LALBA: variants seen among roughly 807,000 people sequenced by gnomAD.
LALBA encodes the protein alpha-lactalbumin.
LALBA carries 12 observed loss-of-function variants against 13.4 expected under a neutral mutation model. The ratio of observed to expected loss-of-function variants is 0.89; its 90% CI spans 0.57 to 1.45. The LOEUF (loss-of-function observed/expected upper bound fraction) is 1.45, where lower values mean the gene tolerates loss of function less well. Ranked by LOEUF, LALBA falls within the 40% of genes most tolerant of loss-of-function variation. The probability of loss-of-function intolerance (pLI) is 0.00; values close to 1 mark genes in which losing one functional copy is unlikely to be tolerated. For synonymous variants in LALBA, 64 were observed against 61.0 expected, an observed-to-expected ratio of 1.05 and a Z score of -0.23; for missense variants, 145 against 165.9, an observed-to-expected ratio of 0.87 and a Z score of 0.69.
At chr12:48,570,751 G>C (rs1028927969), upstream of LALBA, among the ~76,000 whole-genome samples, 3 of 152,080 alleles carry the variant, frequency 2.0e-5, no homozygotes, top group Non-Finnish European at 2.9e-5. Flanking sequence ...GGGAGGCCGA[G>C]TCTGGTGGAT....
upstream of LALBA, chr12:48,570,176 A>T: frequency 1.4e-6 from 1 of 736,478 alleles, no homozygotes; most frequent in East Asian, 2.6e-5. Flanking sequence ...TGAGCCTGCC[A>T]GCTTCCTTCC....
At chr12:48,568,323 T>C (rs1158632798) in intron 3 of LALBA, 194 bp downstream of exon 3, 1 of 613,034 alleles carries the variant, frequency 1.6e-6, no homozygotes, top group Admixed American at 3.0e-5. Flanking sequence ...GGCAACCCCT[T>C]ATTAGGAAAA....
Position 48,569,248 on chromosome 12 carries a change from AAAG to A in LALBA, c.134-11_134-9del, listed in dbSNP as rs775458023. On this transcript the variant is annotated splice_polypyrimidine_tract_variant and intron_variant, in intron 1 of 3. Transcript: ENST00000301046. The stretch of plus-strand genomic sequence containing the variant: ...GAAACATGGTACAGATCACTGAGGG[AAAG>A]ATGAGAAAGAGATACCACAGAGATG... 1.2e-6 allele frequency: 2 copies of A among 1,605,490 alleles called. No homozygotes were observed. Among genetic ancestry groups the A allele is most frequent in the South Asian group, 2.2e-5 (2 of 90,272 alleles).
chr12:48,571,151 G>A (rs1245924963), upstream of LALBA, among the ~76,000 whole-genome samples: 3 of 152,066 alleles, frequency 2.0e-5, no homozygotes, highest in East Asian at 5.8e-4. Flanking sequence ...ACAGAAAGTG[G>A]GAAGGACCCA....
intron 2 of LALBA, 105 bp downstream of exon 2, chr12:48,568,977 C>G (rs1039445230): frequency 1.0e-6 from 1 of 999,312 alleles, no homozygotes; most frequent in East Asian, 2.5e-5. Flanking sequence ...TTTATAGAGC[C>G]CAGCCAAGGC....
At chr12:48,570,781 G>A (rs909087822), upstream of LALBA, among the ~76,000 whole-genome samples, 2 of 151,968 alleles carry the variant, frequency 1.3e-5, no homozygotes, top group African/African-American at 2.4e-5. Context: ...CCAGGAGCTC[G>A]AGACCAGCCT....
At position 48,569,910 on chromosome 12, in the gene LALBA, A is replaced by C; in HGVS notation, c.111T>G (p.Tyr37Ter). The part of the protein sequence containing the change: ...LSQLLKDIDG[Y>*]GGIALPELIC... ...CACATTCAGGCAAAGCGATGCCTCC[A>C]TAACCATCTATGTCTTTCAGCAGCT... The change falls in exon 1 of 4, where the codon TAT becomes TAG. Residue 37 changes from tyrosine (Y) to a stop codon, truncating the protein, a stop_gained. Transcript: ENST00000301046. LOFTEE classifies it high-confidence loss of function. The C allele has an allele frequency of 1.2e-6, 2 of 1,614,168 alleles. No homozygotes were observed. Among genetic ancestry groups the C allele is most frequent in the Non-Finnish European group, 1.7e-6 (2 of 1,180,024 alleles).
Position 48,568,036 on chromosome 12 carries a change from G to A in LALBA, c.369-19C>T, listed in dbSNP as rs1402842218. 14 of 1,575,242 alleles carry A rather than the reference G, an allele frequency of 8.9e-6. No homozygotes were observed. Among genetic ancestry groups the A allele is most frequent in the Admixed American group, 1.8e-5 (1 of 55,328 alleles). On this transcript the variant is annotated intron_variant, in intron 3 of 3. Coordinates refer to ENST00000301046, the MANE Select transcript of LALBA (RefSeq NM_002289.3). ...GGCCAACCTGATAATGGAGAAGGGGGACAAGGTGAGTTAGCTGACTGAATC... is the reference window on the plus strand; with the variant it reads ...GGCCAACCTGATAATGGAGAAGGGGAACAAGGTGAGTTAGCTGACTGAATC...
intron 3 of LALBA, 163 bp from the exon 4 acceptor site, chr12:48,568,180 T>A (rs1409909934): frequency 3.1e-6 from 2 of 648,632 alleles, no homozygotes; most frequent in South Asian, 3.8e-5. Context: ...CCATAAAAAA[T>A]ATCCAAGAAA....
chr12:48,568,292 CTGGGTCTGAGCCCTCCATT>C lies in LALBA; in HGVS notation c.368+206_368+224del, dbSNP rs2137133391. The stretch of plus-strand genomic sequence containing the variant: ...TGTCCAAGTCTAAGTGAAAGGAGGC[CTGGGTCTGAGCCCTCCATT>C]AGGCAACCCCTTATTAGGAAAATTG... On this transcript the variant is annotated intron_variant, in intron 3 of 3. Transcript: ENST00000301046. 6.6e-6 allele frequency: 4 copies of C among 604,958 alleles called. No individual in the cohort carries two copies. The East Asian group carries it at 1.1e-4, about 17-fold the overall frequency. 37.5% of individuals were successfully genotyped at this position (604,958 alleles called of 1,614,324 possible). A position where few individuals can be genotyped will look rare whatever the true frequency, so the allele number is the denominator to read the frequency against.
In LALBA at chr12:48,569,085, C is replaced by T. The variant is rs981156037; in HGVS notation, c.289G>A (p.Asp97Asn). 3 of 1,609,418 alleles carry T rather than the reference C, an allele frequency of 1.9e-6. No homozygotes were observed. Among genetic ancestry groups the T allele is most frequent in the Non-Finnish European group, 2.5e-6 (3 of 1,178,784 alleles). ...QSRNICDISCDKFLDDDITDD... is the reference protein window; with the variant it reads ...QSRNICDISCNKFLDDDITDD... Reference sequence around the variant, plus strand: ...GAGGGTTATAGGGGCTACTCACTGTCACAGGAGATGTCACAGATGTTCCTT... The same window carrying T: ...GAGGGTTATAGGGGCTACTCACTGTTACAGGAGATGTCACAGATGTTCCTT... The change falls in exon 2 of 4, where the codon GAC becomes AAC. Residue 97 changes from aspartate (D) to asparagine (N), a missense_variant. Asp to Asn is a conservative substitution (Grantham distance 23). Transcript: ENST00000301046.
At chr12:48,570,981 T>TA (rs35399476), upstream of LALBA, among the ~76,000 whole-genome samples, 32,941 of 116,160 alleles carry the variant, frequency 0.28, 5,285 homozygotes, top group East Asian at 0.79. Context: ...ACCCTATCTT[T>TA]AAAAAAAAAA....
intron 3 of LALBA, 56 bp from the exon 4 acceptor site, chr12:48,568,073 TCC>T: frequency 7.3e-7 from 1 of 1,366,638 alleles, no homozygotes; most frequent in Non-Finnish European, 1.0e-6. Context: ...TTACATTCAT[TCC>T]CAGGAGGGCT....
rs1938612843 is a variant in LALBA, at chr12:48,569,906, C to T, written c.115G>A (p.Gly39Ser). 2.5e-6 allele frequency: 4 copies of T among 1,614,010 alleles called. No homozygotes were observed. The highest frequency in any genetic ancestry group is 3.4e-6 in the Non-Finnish European group (4 of 1,179,984). The change falls in exon 1 of 4, where the codon GGC becomes AGC. Residue 39 changes from glycine to serine, a missense_variant. Physicochemically the swap from Gly to Ser is moderately conservative, Grantham distance 56. Coordinates refer to ENST00000301046, the MANE Select transcript of LALBA (RefSeq NM_002289.3). ...AACTCACATTCAGGCAAAGCGATGC[C>T]TCCATAACCATCTATGTCTTTCAGC... is the stretch of plus-strand genomic sequence containing the variant. ...QLLKDIDGYG[G>S]IALPELICTM...
At chr12:48,570,509 G>A (rs1022479976), upstream of LALBA, among the ~76,000 whole-genome samples, 7 of 152,124 alleles carry the variant, frequency 4.6e-5, no homozygotes, top group Admixed American at 2.0e-4. Context: ...ATCAGAGCTG[G>A]CACTTGTCCA....
intron 3 of LALBA, 181 bp from the exon 4 acceptor site, chr12:48,568,198 G>C (rs2232570): frequency 0.073 from 45,949 of 630,646 alleles, 2,098 homozygotes; most frequent in Non-Finnish European, 0.09. Context: ...AAAATTGTAG[G>C]GTTAAAAAAG....
In LALBA at chr12:48,567,808, T is replaced by A. The variant is rs1938585805; in HGVS notation, c.*149A>T. The A allele has an allele frequency of 2.9e-6, 2 of 682,722 alleles. No individual in the cohort carries two copies. The highest frequency in any genetic ancestry group is 2.4e-5 in the Admixed American group (1 of 42,418). The allele number at this position is 682,722 out of a possible 1,614,324, so 42.3% of individuals were successfully genotyped here. A position where few individuals can be genotyped will look rare whatever the true frequency, so the allele number is the denominator to read the frequency against. On this transcript the variant is annotated 3_prime_UTR_variant, in exon 4 of 4. Coordinates refer to ENST00000301046, the MANE Select transcript of LALBA (RefSeq NM_002289.3). ...CCACTCAGGCATCCCTGGAAAATAG[T>A]CTTCAAGAATTCGGTGATGTCACTA...
chr12:48,569,058 A>G lies in LALBA; in HGVS notation c.292+24T>C, dbSNP rs1440069417. On this transcript the variant is annotated intron_variant, in intron 2 of 3. Coordinates refer to ENST00000301046, the MANE Select transcript of LALBA (RefSeq NM_002289.3). The stretch of plus-strand genomic sequence containing the variant: ...AGGGCAGGCCTCAGAAAAACAGAGA[A>G]AGAGGGTTATAGGGGCTACTCACTG... 3 of 1,575,394 alleles carry G rather than the reference A, an allele frequency of 1.9e-6. No individual in the cohort carries two copies. In the African/African-American group the frequency reaches 4.1e-5, roughly 22 times the overall value.
At position 48,567,889 on chromosome 12, in the gene LALBA, G is replaced by A; in HGVS notation, c.*68C>T. On this transcript the variant is annotated 3_prime_UTR_variant, in exon 4 of 4. Coordinates refer to ENST00000301046, the MANE Select transcript of LALBA (RefSeq NM_002289.3). The stretch of plus-strand genomic sequence containing the variant: ...TTGGGGGAACAGAAAGAAACAAACT[G>A]AGGTGGCATTAGGGAAGAGGTATTC... The A allele has an allele frequency of 7.8e-7, 1 of 1,274,062 alleles. No homozygotes were observed. Among genetic ancestry groups the A allele is most frequent in the Non-Finnish European group, 1.1e-6 (1 of 888,670 alleles). The allele number at this position is 1,274,062 out of a possible 1,614,324, so 78.9% of individuals were successfully genotyped here.
Sources: gnomAD v4.1 joint callset for allele counts (sites outside exome capture counted in the v4.1 genomes callset) on GRCh38, gnomAD v4.1.1 for gene constraint, MANE v1.5 for transcripts, NCBI Gene and HGNC (gene_info 2026-07-23, HGNC 2026-07-21) for gene names.